Variants in CDKAL1 observed in about 807,000 individuals in gnomAD.
The protein encoded by CDKAL1 is CDKAL1 threonylcarbamoyladenosine tRNA methylthiotransferase, also known as threonylcarbamoyladenosine tRNA methylthiotransferase.
Under a neutral mutation model 68.2 loss-of-function variants are expected in CDKAL1, and 32 were observed. The observed-to-expected ratio is 0.47, with a 90% CI of 0.35 to 0.63. CDKAL1 has a LOEUF of 0.63. Ranked by LOEUF, CDKAL1 falls within the 30% of genes least tolerant of loss-of-function variation. The probability of loss-of-function intolerance (pLI) is 0.00; values close to 1 mark genes in which losing one functional copy is unlikely to be tolerated. For synonymous variants in CDKAL1, 234 were observed against 244.3 expected, an observed-to-expected ratio of 0.96 and a Z score of 0.39; for missense variants, 606 against 696.7, an observed-to-expected ratio of 0.87 and a Z score of 1.47.
At chr6:21,106,839 C>T (rs1167806530) in intron 12 of CDKAL1, among the ~76,000 whole-genome samples, 1 of 151,570 alleles carries the variant, frequency 6.6e-6, no homozygotes, top group Admixed American at 6.6e-5. Flanking sequence ...AAGTAGTAAT[C>T]AATGTTTGTG....
In CDKAL1 at chr6:20,995,299, T is replaced by C. The variant is rs371383605; in HGVS notation, c.910-4928T>C. Among the ~76,000 whole-genome samples the C allele has an allele frequency of 3.9e-5, 6 of 152,238 alleles. No individual in the cohort carries two copies. The East Asian group carries it at 1.2e-3, about 29-fold the overall frequency. On this transcript the variant is annotated intron_variant, in intron 10 of 15. Coordinates refer to ENST00000274695, the MANE Select transcript of CDKAL1 (RefSeq NM_017774.3). ...TTCTCCTCCCATGAATCATGAATGT[T>C]CTTAACAGCATCTGGAATGACGAGT...
chr6:21,033,109 G>T (rs188480511), intron 11 of CDKAL1, among the ~76,000 whole-genome samples: 24 of 152,296 alleles, frequency 1.6e-4, no homozygotes, highest in Middle Eastern at 6.8e-3. Context: ...AGAAAGTACA[G>T]TTGGGAAGTT....
intron 5 of CDKAL1, among the ~76,000 whole-genome samples, chr6:20,699,004 A>G (rs1771226068): frequency 6.6e-6 from 1 of 152,182 alleles, no homozygotes; most frequent in Non-Finnish European, 1.5e-5. Context: ...AAGTTTTAAA[A>G]ACTCTCTTGT....
In CDKAL1 at chr6:20,930,998, C is replaced by T. The variant is rs372504409; in HGVS notation, c.743-24421C>T. Among the ~76,000 whole-genome samples, 11 of 152,286 alleles carry T rather than the reference C, an allele frequency of 7.2e-5. No individual in the cohort carries two copies. In the East Asian group the frequency reaches 1.4e-3, roughly 19 times the overall value. On this transcript the variant is annotated intron_variant, in intron 9 of 15. Coordinates refer to ENST00000274695, the MANE Select transcript of CDKAL1 (RefSeq NM_017774.3). ...GACCTCATGATCCGCCCGCCTCGGC[C>T]TCCCAAAATGCTGGGATTACAGGCG... is the stretch of plus-strand genomic sequence containing the variant.
chr6:21,206,359 C>T (rs535187909), intron 15 of CDKAL1, among the ~76,000 whole-genome samples: 3 of 152,230 alleles, frequency 2.0e-5, no homozygotes, highest in Admixed American at 1.3e-4. Context: ...AGATCTGTCT[C>T]TCTTAGGAAT....
rs33911838 is a variant in CDKAL1, at chr6:20,936,241, A to ATTT, written c.743-19153_743-19151dup. On this transcript the variant is annotated intron_variant, in intron 9 of 15. Coordinates refer to ENST00000274695, the MANE Select transcript of CDKAL1 (RefSeq NM_017774.3). ...AAATTCTGTGTCACAGTGTCTCATA[A>ATTT]TTTTTTTTTTTTTTTTTTTTTTTTT... is the stretch of plus-strand genomic sequence containing the variant. 3.8e-3 allele frequency among the ~76,000 whole-genome samples: 261 copies of ATTT among 68,838 alleles called. 19 individuals are homozygous for ATTT. Among genetic ancestry groups the ATTT allele is most frequent in the South Asian group, 5.7e-3 (8 of 1,414 alleles). 45.2% of individuals were successfully genotyped at this position (68,838 alleles called of 152,430 possible).
chr6:20,887,778 C>A (rs1295055721), intron 9 of CDKAL1, among the ~76,000 whole-genome samples: 23 of 149,002 alleles, frequency 1.5e-4, no homozygotes, highest in African/African-American at 5.1e-4. Context: ...TCCTTTTTTT[C>A]TTTTTTTGTA....
At chr6:20,923,563 TC>T (rs1341726564) in intron 9 of CDKAL1, among the ~76,000 whole-genome samples, 1 of 152,174 alleles carries the variant, frequency 6.6e-6, no homozygotes, top group Non-Finnish European at 1.5e-5. Context: ...TTCTGACTGT[TC>T]CCCCACCAGC....
intron 10 of CDKAL1, among the ~76,000 whole-genome samples, chr6:20,975,744 T>C (rs919720981): frequency 6.6e-6 from 1 of 152,230 alleles, no homozygotes; most frequent in East Asian, 1.9e-4. Context: ...TTAATAATTT[T>C]AAGATACAAA....
intron 7 of CDKAL1, among the ~76,000 whole-genome samples, chr6:20,776,882 T>A (rs1374391417): frequency 6.6e-6 from 1 of 152,134 alleles, no homozygotes; most frequent in East Asian, 1.9e-4. Context: ...AGGTTGCAAC[T>A]AGGGCAAAAC....
intron 12 of CDKAL1, among the ~76,000 whole-genome samples, chr6:21,101,468 T>C (rs1773573750): frequency 6.6e-6 from 1 of 152,122 alleles, no homozygotes; most frequent in South Asian, 2.1e-4. Context: ...ATATAGGAGG[T>C]ACAAAGCAGA....
At chr6:20,618,380 G>A (rs1488054683) in intron 4 of CDKAL1, among the ~76,000 whole-genome samples, 1 of 152,092 alleles carries the variant, frequency 6.6e-6, no homozygotes, top group African/African-American at 2.4e-5. Context: ...TCACTCTGAT[G>A]GTAGTTTCTT....
chr6:20,878,662 G>C (rs1760657315), intron 9 of CDKAL1, among the ~76,000 whole-genome samples: 1 of 151,908 alleles, frequency 6.6e-6, no homozygotes, highest in South Asian at 2.1e-4. Flanking sequence ...AACTCGGGGA[G>C]TGGGCGGAGG....
rs1257849950 is a variant in CDKAL1 at position 21,110,862 on chromosome 6, G to A, written c.1299+2399G>A. Among the ~76,000 whole-genome samples, 6 of 152,196 alleles carry A rather than the reference G, an allele frequency of 3.9e-5. No homozygotes were observed. In the South Asian group the frequency reaches 6.2e-4, roughly 16 times the overall value. ...GCACACCTGTAGTCCTAGCTACCGG[G>A]GACAGGTTTAGGCAGGAGGATCACT... On this transcript the variant is annotated intron_variant, in intron 13 of 15. Transcript: ENST00000274695.
At chr6:20,635,031 C>T (rs6940200) in intron 4 of CDKAL1, among the ~76,000 whole-genome samples, 28,554 of 149,834 alleles carry the variant, frequency 0.19, 2,815 homozygotes, top group East Asian at 0.37. Flanking sequence ...TCCTAGGGTT[C>T]TGGTTTCACC....
intron 11 of CDKAL1, among the ~76,000 whole-genome samples, chr6:21,058,846 G>A (rs1770981841): frequency 6.7e-6 from 1 of 150,088 alleles, no homozygotes; most frequent in South Asian, 2.1e-4. Context: ...CCTGTATAAG[G>A]TGTCTGGTGA....
At chr6:20,745,607 A>G (rs559548450) in intron 6 of CDKAL1, among the ~76,000 whole-genome samples, 16 of 152,238 alleles carry the variant, frequency 1.1e-4, no homozygotes, top group Admixed American at 2.0e-4. Flanking sequence ...CACCTATTGA[A>G]TGATTAAAAT....
At chr6:20,768,733 T>C (rs1024788304) in intron 7 of CDKAL1, among the ~76,000 whole-genome samples, 2 of 152,162 alleles carry the variant, frequency 1.3e-5, no homozygotes, top group Non-Finnish European at 1.5e-5. Context: ...GGAGCATGTT[T>C]ATTTTCAGGA....
chr6:21,049,754 G>T (rs1451237718), intron 11 of CDKAL1, among the ~76,000 whole-genome samples: 3 of 151,606 alleles, frequency 2.0e-5, no homozygotes, highest in Non-Finnish European at 4.4e-5. Context: ...TTTATACCAG[G>T]CTTAGAAATG....
Sources: gnomAD v4.1 joint callset for allele counts (sites outside exome capture counted in the v4.1 genomes callset) on GRCh38, gnomAD v4.1.1 for gene constraint, MANE v1.5 for transcripts, NCBI Gene and HGNC (gene_info 2026-07-23, HGNC 2026-07-21) for gene names.